HSPA14: variants seen among roughly 807,000 people sequenced by gnomAD.
HSPA14 encodes the protein heat shock 70 kDa protein 14.
Under a neutral mutation model 65.5 loss-of-function variants are expected in HSPA14, and 37 were observed. That is an observed-to-expected ratio of 0.56 (90% CI 0.43 to 0.74). HSPA14 has a LOEUF of 0.74. Among genes scored for constraint, HSPA14 ranks in the 30% least tolerant of loss-of-function variants. The pLI is 0.00. For missense variants in HSPA14, 564 were observed against 607.6 expected, an observed-to-expected ratio of 0.93 and a Z score of 0.75; for synonymous variants, 203 against 214.2, an observed-to-expected ratio of 0.95 and a Z score of 0.46.
intron 1 of HSPA14, among the ~76,000 whole-genome samples, chr10:14,838,772 G>A (rs747043989): frequency 1.3e-5 from 2 of 152,108 alleles, no homozygotes; most frequent in Non-Finnish European, 2.9e-5. Flanking sequence ...GGGGGTCCCG[G>A]AGACAGCGGG....
rs538423148 is a variant in HSPA14 at position 14,858,116 on chromosome 10, T to C, written c.993+2173T>C. ...TGCTTCATTTCCTGACACTTTCTCT[T>C]GTTATGAAAGTGATAATACTTACCT... On this transcript the variant is annotated intron_variant, in intron 10 of 13. Transcript: ENST00000378372. 2.6e-5 allele frequency among the ~76,000 whole-genome samples: 4 copies of C among 152,242 alleles called. No homozygotes were observed. The East Asian group carries it at 7.7e-4, about 29-fold the overall frequency.
chr10:14,858,270 A>C (rs1479723925), intron 10 of HSPA14, among the ~76,000 whole-genome samples: 2 of 152,208 alleles, frequency 1.3e-5, no homozygotes, highest in African/African-American at 2.4e-5. Context: ...CCAACCGGTC[A>C]TGAAGCCCCC....
intron 12 of HSPA14, among the ~76,000 whole-genome samples, chr10:14,870,202 A>AT (rs202018805): frequency 0.062 from 9,247 of 148,042 alleles, 341 homozygotes; most frequent in Middle Eastern, 0.12. Context: ...AAAATGCTTG[A>AT]TTTTTTTTTT....
chr10:14,870,387 TG>T (rs1832844084), intron 12 of HSPA14, among the ~76,000 whole-genome samples: 2 of 152,334 alleles, frequency 1.3e-5, no homozygotes, highest in African/African-American at 2.4e-5. Context: ...TTATCTTATA[TG>T]CCCTCCTTCT....
chr10:14,863,905 G>C (rs1832778934), intron 10 of HSPA14, among the ~76,000 whole-genome samples: 3 of 152,208 alleles, frequency 2.0e-5, no homozygotes, highest in Middle Eastern at 3.4e-3. Flanking sequence ...GTCATGAGAA[G>C]AAAGCTGGCT....
intron 3 of HSPA14, among the ~76,000 whole-genome samples, chr10:14,840,941 G>C (rs781693185): frequency 1.3e-5 from 2 of 152,098 alleles, no homozygotes; most frequent in African/African-American, 4.8e-5. Context: ...ATTATCCTAG[G>C]GGGTAAACTG....
intron 7 of HSPA14, among the ~76,000 whole-genome samples, chr10:14,851,566 G>A (rs1834108855): frequency 6.6e-6 from 1 of 152,198 alleles, no homozygotes; most frequent in Admixed American, 6.5e-5. Context: ...TTTGAGGGAA[G>A]ATTTGAAAGT....
chr10:14,845,687 G>A (rs895643725), intron 3 of HSPA14: 17 of 250,066 alleles, frequency 6.8e-5, no homozygotes, highest in Admixed American at 6.5e-4. Context: ...TCAGCCTCCC[G>A]AGTAGCCGGG....
intron 3 of HSPA14, chr10:14,846,459 T>TTC: frequency 3.0e-6 from 3 of 985,256 alleles, no homozygotes; most frequent in Non-Finnish European, 3.6e-6. Context: ...AGGTCTTGAA[T>TTC]AAGTACACAG....
At chr10:14,839,407 C>G (rs1171368588) in intron 1 of HSPA14, among the ~76,000 whole-genome samples, 6 of 151,952 alleles carry the variant, frequency 3.9e-5, no homozygotes, top group Non-Finnish European at 8.8e-5. Flanking sequence ...AACCCCGCCT[C>G]TACTAAAAAT....
chr10:14,866,300 T>C (rs1425020349), intron 10 of HSPA14, among the ~76,000 whole-genome samples: 2 of 152,220 alleles, frequency 1.3e-5, no homozygotes, highest in African/African-American at 4.8e-5. Flanking sequence ...TAATAGGGTG[T>C]CCCTCATTAC....
rs906087285 is a variant in HSPA14, at chr10:14,850,227, G to A, written c.467+416G>A. On this transcript the variant is annotated intron_variant, in intron 6 of 13. Coordinates refer to ENST00000378372, the MANE Select transcript of HSPA14 (RefSeq NM_016299.4). ...GTGGAGGTTGCAGTGAGCCAAAGTC[G>A]CGCCACTCCACTCCAGATTGTGTGA... 3.3e-5 allele frequency among the ~76,000 whole-genome samples: 5 copies of A among 150,438 alleles called. No homozygotes were observed. The South Asian group carries it at 8.4e-4, about 25-fold the overall frequency.
In HSPA14 at chr10:14,855,833, G is replaced by A; in HGVS notation, c.891-8G>A. ...TGTGTGTTTCTGTGTGTGTGTATGT[G>A]TGTACAGAGCAAGATTTGAACTTCT... On this transcript the variant is annotated splice_polypyrimidine_tract_variant and splice_region_variant and intron_variant, in intron 9 of 13. Transcript: ENST00000378372. 6.8e-7 allele frequency: 1 copy of A among 1,467,848 alleles called. No homozygotes were observed. Among genetic ancestry groups the A allele is most frequent in the Non-Finnish European group, 9.5e-7 (1 of 1,047,612 alleles). 90.9% of individuals were successfully genotyped at this position (1,467,848 alleles called of 1,614,324 possible). A position where few individuals can be genotyped will look rare whatever the true frequency, so the allele number is the denominator to read the frequency against.
chr10:14,869,232 C>CGTGTGTGT lies in HSPA14; in HGVS notation c.1381-1340_1381-1333dup, dbSNP rs68155495. Among the ~76,000 whole-genome samples, 1,319 of 144,808 alleles carry CGTGTGTGT rather than the reference C, an allele frequency of 9.1e-3. 26 individuals carry two copies. The highest frequency in any genetic ancestry group is 0.028 in the African/African-American group (1,125 of 39,722). The allele number at this position is 144,808 out of a possible 152,430, so 95.0% of individuals were successfully genotyped here. A position where few individuals can be genotyped will look rare whatever the true frequency, so the allele number is the denominator to read the frequency against. ...ATGAGATATTGTGTGTGTACGTGTACGTGTGTGTGTGTGTGTGTGTGTGTG... is the reference window on the plus strand; with the variant it reads ...ATGAGATATTGTGTGTGTACGTGTACGTGTGTGTGTGTGTGTGTGTGTGTGTGTGTGTG... On this transcript the variant is annotated intron_variant, in intron 12 of 13. Coordinates refer to ENST00000378372, the MANE Select transcript of HSPA14 (RefSeq NM_016299.4).
At position 14,842,211 on chromosome 10, in the gene HSPA14, C is replaced by T; in HGVS notation, c.221+2054C>T. On this transcript the variant is annotated intron_variant, in intron 3 of 13. Coordinates refer to ENST00000378372, the MANE Select transcript of HSPA14 (RefSeq NM_016299.4). The surrounding 1 kb of genome is among the most constrained non-coding windows in gnomAD (Gnocchi z 5.2). ...AGATCCTGGAGATATCCTGAGAGCA[C>T]ACAGAGCTTCCCCACACCTTCAGAC... is the stretch of plus-strand genomic sequence containing the variant. 6.5e-7 allele frequency: 1 copy of T among 1,535,488 alleles called. No homozygotes were observed. Among genetic ancestry groups the T allele is most frequent in the East Asian group, 2.4e-5 (1 of 40,910 alleles).
At chr10:14,845,293 A>C (rs551825466) in intron 3 of HSPA14, 1 of 985,450 alleles carries the variant, frequency 1.0e-6, no homozygotes, top group East Asian at 1.1e-4. Context: ...TTTTCCAATA[A>C]TCTAGAAGTT....
intron 3 of HSPA14, chr10:14,845,181 G>A (rs1352679463): frequency 1.0e-6 from 1 of 985,444 alleles, no homozygotes; most frequent in African/African-American, 1.7e-5. Flanking sequence ...ATTTACTCTA[G>A]AAGGGAAGAC....
chr10:14,838,495 C>T (rs745456948), intron 1 of HSPA14, 36 bp downstream of exon 1: 3 of 1,557,166 alleles, frequency 1.9e-6, no homozygotes, highest in Middle Eastern at 1.9e-4. Context: ...GGCTTCATGA[C>T]GGCCACCCGG....
rs1832813738 is a variant in HSPA14 at position 14,867,126 on chromosome 10, A to T, written c.1037A>T (p.Gln346Leu). The change falls in exon 11 of 14, where the codon CAA (glutamine) becomes CTA (leucine). Residue 346 changes from glutamine to leucine, a missense_variant. By Grantham distance (113) the Gln-to-Leu change is moderately radical. Transcript: ENST00000378372. The stretch of plus-strand genomic sequence containing the variant: ...TCTTCTCGAATCCCAAAGCTACAGC[A>T]ACTGATTAAAGATCTTTTCCCAGCT... ...GGSSRIPKLQ[Q>L]LIKDLFPAVE... 1.9e-6 allele frequency: 3 copies of T among 1,613,850 alleles called. No homozygotes were observed. The highest frequency in any genetic ancestry group is 2.5e-6 in the Non-Finnish European group (3 of 1,179,824).
Sources: gnomAD v4.1 joint callset for allele counts (sites outside exome capture counted in the v4.1 genomes callset) on GRCh38, gnomAD v4.1.1 for gene constraint, Gnocchi (gnomAD v3.1) non-coding constraint, MANE v1.5 for transcripts, NCBI Gene and HGNC (gene_info 2026-07-23, HGNC 2026-07-21) for gene names.